Variants in FANCA observed in about 807,000 individuals in gnomAD.
FANCA encodes the protein Fanconi anemia group A protein.
A neutral mutation model predicts 194.3 loss-of-function variants in FANCA; 236 were observed. The ratio of observed to expected loss-of-function variants is 1.21; its 90% CI spans 1.09 to 1.35. The LOEUF (loss-of-function observed/expected upper bound fraction) is 1.35. Ranked by LOEUF, FANCA falls within the 40% of genes most tolerant of loss-of-function variation. The pLI, the probability that FANCA is intolerant of heterozygous loss-of-function variation, is 0.00. For synonymous variants in FANCA, 1,014 were observed against 715.8 expected (o/e 1.42, Z -6.65); for missense variants, 2,628 against 1,813.9 (o/e 1.45, Z -8.15).
In FANCA at chr16:89,810,923, T is replaced by C. The variant is rs1467837114; in HGVS notation, c.426+6A>G. ...GCAGGTTTCCTCATCTTTGCTGGTGTCTTACTCTCTGCTCCACAGTCAGCA... is the reference window on the plus strand; with the variant it reads ...GCAGGTTTCCTCATCTTTGCTGGTGCCTTACTCTCTGCTCCACAGTCAGCA... On this transcript the variant is annotated splice_donor_region_variant and intron_variant, in intron 4 of 42. Coordinates refer to ENST00000389301, the MANE Select transcript of FANCA (RefSeq NM_000135.4). The C allele has an allele frequency of 2.5e-6, 4 of 1,614,056 alleles. No homozygotes were observed. In the African/African-American group the frequency reaches 5.3e-5, roughly 22 times the overall value.
At chr16:89,783,562 A>C (rs1048537397) in intron 15 of FANCA, among the ~76,000 whole-genome samples, 1 of 150,944 alleles carries the variant, frequency 6.6e-6, no homozygotes, top group African/African-American at 2.4e-5. Flanking sequence ...AAAAAAAAAA[A>C]CAACAAAAAA....
At chr16:89,812,652 A>C (rs12924894) in intron 3 of FANCA, among the ~76,000 whole-genome samples, 40 of 73,110 alleles carry the variant, frequency 5.5e-4, no homozygotes, top group East Asian at 3.2e-3. Flanking sequence ...GTCTCAAAAA[A>C]AAAAAAAAAA....
intron 23 of FANCA, among the ~76,000 whole-genome samples, chr16:89,771,315 C>T (rs1184525459): frequency 1.3e-5 from 2 of 151,800 alleles, no homozygotes; most frequent in African/African-American, 2.4e-5. Flanking sequence ...AGAAATTAGC[C>T]GGGTGTGGTG....
rs545772434 is a variant in FANCA at position 89,746,607 on chromosome 16, G to C, written c.3490C>G (p.Pro1164Ala). 2 of 1,614,134 alleles carry C rather than the reference G, an allele frequency of 1.2e-6. No homozygotes were observed. The highest frequency in any genetic ancestry group is 1.7e-6 in the Non-Finnish European group (2 of 1,180,020). ...FILAKCQTKC[P>A]LILTSALVWW... ...ACCAGAGCAGAGGTCAAAATTAAGG[G>C]GCATTTCGTCTGGCACTTGGCCAGT... The change falls in exon 35 of 43, where the codon CCC (proline) becomes GCC (alanine). Residue 1164 changes from proline to alanine, a missense_variant. Transcript: ENST00000389301.
intron 26 of FANCA, among the ~76,000 whole-genome samples, chr16:89,768,179 G>C (rs1567616860): frequency 6.6e-6 from 1 of 152,110 alleles, no homozygotes; most frequent in Non-Finnish European, 1.5e-5. Context: ...CTGGGAGGCT[G>C]AGGTGGGAAG....
rs1222062717 is a variant in FANCA at position 89,773,333 on chromosome 16, C to G, written c.1952G>C (p.Gly651Ala). ...CTCTCCCAGTGCAGCTGTGAGCTGT[C>G]CCAGGGGCTCCTCAGCAGAGTTGGG... ...AEPNSAEEPL[G>A]QLTAALGELR... The change falls in exon 22 of 43, where the codon GGA (glycine) becomes GCA (alanine). Residue 651 changes from glycine to alanine, a missense_variant. Gly to Ala is a moderately conservative substitution (Grantham distance 60). Transcript: ENST00000389301. 2 of 1,551,604 alleles carry G rather than the reference C, an allele frequency of 1.3e-6. No homozygotes were observed. Among genetic ancestry groups the G allele is most frequent in the Admixed American group, 3.9e-5 (2 of 50,996 alleles).
chr16:89,738,732 A>AGCCCATGCC, intron 42 of FANCA, 24 bp from the exon 43 acceptor site: 1 of 1,613,398 alleles, frequency 6.2e-7, no homozygotes. Flanking sequence ...GCAGGTCCTC[A>AGCCCATGCC]GCCCATGCCG....
At chr16:89,791,568 G>C (rs1003167988) in intron 13 of FANCA, 32 bp from the exon 14 acceptor site, 3 of 1,612,988 alleles carry the variant, frequency 1.9e-6, no homozygotes, top group African/African-American at 2.7e-5. Flanking sequence ...GTCACAGCAA[G>C]GCAAGGGCAG....
In FANCA at chr16:89,778,957, G is replaced by A; in HGVS notation, c.1762C>T (p.Leu588Phe). The A allele has an allele frequency of 1.2e-6, 2 of 1,614,158 alleles. No homozygotes were observed. The highest frequency in any genetic ancestry group is 1.3e-5 in the African/African-American group (1 of 75,046). ...YYVSHFLPAL[L>F]TPRVLPKVPD... ...CGCATACTGACCACTCGAGGTGTGA[G>A]CAGGGCGGGGAGGAAGTGGGACACG... The change falls in exon 19 of 43, where the codon CTC (leucine) becomes TTC (phenylalanine). Residue 588 changes from leucine (L) to phenylalanine (F), a missense_variant. Coordinates refer to ENST00000389301, the MANE Select transcript of FANCA (RefSeq NM_000135.4).
chr16:89,795,608 A>G (rs1034347960), intron 11 of FANCA, among the ~76,000 whole-genome samples: 5 of 152,266 alleles, frequency 3.3e-5, no homozygotes, highest in African/African-American at 1.2e-4. Context: ...ACTGCACTCC[A>G]GCATGGGCAA....
Position 89,748,674 on chromosome 16 carries a change from C to G in FANCA, c.3333G>C (p.Leu1111Phe). Residue 1111 changes from leucine to phenylalanine, a missense_variant, in exon 33 of 43, where the codon TTG becomes TTC. By Grantham distance (22) the Leu-to-Phe change is conservative. Coordinates refer to ENST00000389301, the MANE Select transcript of FANCA (RefSeq NM_000135.4). ...GGGCACCTACCATCTCAGAGTTGAC[C>G]AAGTGGAAGAACTGCTCGCATCTGG... is the stretch of plus-strand genomic sequence containing the variant. ...ITARCEQFFH[L>F]VNSEMRNFCS... 2 of 1,613,958 alleles carry G rather than the reference C, an allele frequency of 1.2e-6. No individual in the cohort carries two copies. The highest frequency in any genetic ancestry group is 1.7e-6 in the Non-Finnish European group (2 of 1,179,898).
chr16:89,749,437 G>T (rs1383286773), intron 32 of FANCA, among the ~76,000 whole-genome samples: 1 of 152,168 alleles, frequency 6.6e-6, no homozygotes, highest in South Asian at 2.1e-4. Flanking sequence ...ATGTTGGTCA[G>T]GCTGGTCTCA....
At chr16:89,761,152 G>A (rs962966373) in intron 29 of FANCA, among the ~76,000 whole-genome samples, 1 of 152,232 alleles carries the variant, frequency 6.6e-6, no homozygotes, top group Admixed American at 6.5e-5. Flanking sequence ...AGGCGCGGTG[G>A]CTCACGCCTG....
At position 89,814,471 on chromosome 16, in the gene FANCA, T is replaced by C. The variant is rs570320938; in HGVS notation, c.283+49A>G. ...AATTTAGCAAACTATGGTTACTATA[T>C]AAAAACCCTTCTGCAATTCAAAATA... On this transcript the variant is annotated intron_variant, in intron 3 of 42. Transcript: ENST00000389301. 1.4e-5 allele frequency: 19 copies of C among 1,398,250 alleles called. No homozygotes were observed. The African/African-American group carries it at 2.3e-4, about 17-fold the overall frequency. 86.6% of individuals were successfully genotyped at this position (1,398,250 alleles called of 1,614,324 possible).
At position 89,749,812 on chromosome 16, in the gene FANCA, G is replaced by A. The variant is rs376103033; in HGVS notation, c.3157C>T (p.Arg1053Cys). ...SQEHFLFEIF[R>C]RRLQALTSGW... The stretch of plus-strand genomic sequence containing the variant: ...CTTGTCAGAGCCTGGAGCCGTCTGC[G>A]GAAAATCTCAAAGAGGAAGTGCTCC... The change falls in exon 32 of 43, where the codon CGC becomes TGC. Residue 1053 changes from arginine to cysteine, a missense_variant. Arg to Cys is a radical substitution (Grantham distance 180). Transcript: ENST00000389301. The A allele has an allele frequency of 9.5e-5, 153 of 1,614,110 alleles. No individual in the cohort carries two copies. The highest frequency in any genetic ancestry group is 6.5e-4 in the Admixed American group (39 of 59,998).
chr16:89,802,871 G>T (rs2040504418), intron 8 of FANCA, among the ~76,000 whole-genome samples: 1 of 152,190 alleles, frequency 6.6e-6, no homozygotes, highest in African/African-American at 2.4e-5. Flanking sequence ...AGAGTAGAAC[G>T]AGAGATACCA....
At chr16:89,763,759 C>A (rs1001090711) in intron 28 of FANCA, among the ~76,000 whole-genome samples, 2 of 151,218 alleles carry the variant, frequency 1.3e-5, no homozygotes, top group Admixed American at 6.6e-5. Flanking sequence ...ATGGTGAAAC[C>A]CCATCTCTAC....
At chr16:89,746,561 AC>A (rs751838141) in intron 35 of FANCA, 22 bp downstream of exon 35, 1 of 1,603,626 alleles carries the variant, frequency 6.2e-7, no homozygotes, top group Non-Finnish European at 8.5e-7. Context: ...AAAACAAAAC[AC>A]CAAACAAGAC....
Position 89,737,641 on chromosome 16 carries a change from G to C in FANCA, c.*960C>G. ...GTGACAGTGTATAAAGCAGTTTAAAGATCTTAATAAACGAGGCCCTCATAG... is the reference window on the plus strand; with the variant it reads ...GTGACAGTGTATAAAGCAGTTTAAACATCTTAATAAACGAGGCCCTCATAG... On this transcript the variant is annotated 3_prime_UTR_variant, in exon 43 of 43. Coordinates refer to ENST00000389301, the MANE Select transcript of FANCA (RefSeq NM_000135.4). 2.9e-6 allele frequency: 4 copies of C among 1,363,450 alleles called. No homozygotes were observed. The highest frequency in any genetic ancestry group is 3.9e-6 in the Non-Finnish European group (4 of 1,024,896). 84.5% of individuals were successfully genotyped at this position (1,363,450 alleles called of 1,614,324 possible). A position where few individuals can be genotyped will look rare whatever the true frequency, so the allele number is the denominator to read the frequency against.
Sources: gnomAD v4.1 joint callset for allele counts (sites outside exome capture counted in the v4.1 genomes callset) on GRCh38, gnomAD v4.1.1 for gene constraint, MANE v1.5 for transcripts, NCBI Gene and HGNC (gene_info 2026-07-23, HGNC 2026-07-21) for gene names.